ANKUB1: variants seen among roughly 807,000 people sequenced by gnomAD.
ANKUB1 encodes the protein protein ANKUB1.
A neutral mutation model predicts 49.3 loss-of-function variants in ANKUB1; 42 were observed. That is an observed-to-expected ratio of 0.85 (90% CI 0.67 to 1.10). The LOEUF is 1.10. Ranked by LOEUF, ANKUB1 falls within the 50% of genes least tolerant of loss-of-function variation. The pLI, the probability that ANKUB1 is intolerant of heterozygous loss-of-function variation, is 0.00. For synonymous variants in ANKUB1, 222 were observed against 231.0 expected (o/e 0.96, Z 0.35); for missense variants, 613 against 642.0 (o/e 0.95, Z 0.49).
intron 2 of ANKUB1, among the ~76,000 whole-genome samples, chr3:149,782,297 G>A (rs1717907020): frequency 1.3e-5 from 2 of 151,864 alleles, no homozygotes; most frequent in South Asian, 4.2e-4. Flanking sequence ...GGCTCACTAT[G>A]TTGCCCAGGC....
Position 149,789,764 on chromosome 3 carries a change from G to A in ANKUB1, c.234+1017C>T, listed in dbSNP as rs185047081. ...CCTGCCTCAGCCTAATGAGTAGCTG[G>A]GACTACAGGCTCATGCCATCACGCG... is the stretch of plus-strand genomic sequence containing the variant. On this transcript the variant is annotated intron_variant, in intron 2 of 5. Transcript: ENST00000446160. Among the ~76,000 whole-genome samples the A allele has an allele frequency of 1.8e-3, 275 of 151,894 alleles. 1 individual carries two copies. Among genetic ancestry groups the A allele is most frequent in the Non-Finnish European group, 3.4e-3 (231 of 67,948 alleles).
intron 5 of ANKUB1, among the ~76,000 whole-genome samples, chr3:149,763,616 A>T (rs537715986): frequency 6.6e-6 from 1 of 152,312 alleles, no homozygotes; most frequent in Admixed American, 6.5e-5. Flanking sequence ...TTACATTTGA[A>T]TCTTTACTTA....
At chr3:149,791,528 A>G (rs1219810463) in intron 1 of ANKUB1, among the ~76,000 whole-genome samples, 1 of 152,220 alleles carries the variant, frequency 6.6e-6, no homozygotes, top group East Asian at 1.9e-4. Context: ...TTAATAAAAC[A>G]TAGAGGTTAA....
intron 4 of ANKUB1, among the ~76,000 whole-genome samples, chr3:149,769,839 TA>T (rs1268490084): frequency 6.6e-6 from 1 of 152,190 alleles, no homozygotes; most frequent in African/African-American, 2.4e-5. Context: ...TGATAGTCTT[TA>T]AAAATGTTGC....
At chr3:149,773,913 G>A (rs2108269479) in intron 3 of ANKUB1, among the ~76,000 whole-genome samples, 1 of 152,232 alleles carries the variant, frequency 6.6e-6, no homozygotes, top group Admixed American at 6.5e-5. Context: ...GCTCACACCT[G>A]TATTCCCAGC....
chr3:149,790,383 G>T (rs73870415), intron 2 of ANKUB1, among the ~76,000 whole-genome samples: 2 of 152,186 alleles, frequency 1.3e-5, no homozygotes, highest in African/African-American at 2.4e-5. Flanking sequence ...CATTCTTATT[G>T]TTACTGAGAA....
At position 149,767,676 on chromosome 3, in the gene ANKUB1, T is replaced by C; in HGVS notation, c.986A>G (p.His329Arg). 1 of 1,551,736 alleles carries C rather than the reference T, an allele frequency of 6.4e-7. No individual in the cohort carries two copies. The highest frequency in any genetic ancestry group is 1.4e-5 in the African/African-American group (1 of 73,190). Residue 329 changes from histidine (H) to arginine (R), a missense_variant, in exon 5 of 6, where the codon CAT (histidine) becomes CGT (arginine). Coordinates refer to ENST00000446160, the MANE Select transcript of ANKUB1 (RefSeq NM_001144960.3). Reference protein sequence around the residue: ...WILRAQSHSLHKSQFCGARVF... With the variant: ...WILRAQSHSLRKSQFCGARVF... ...CCTTGCTCCACAAAACTGGCTTTTA[T>C]GAAGACTGTGACTCTGAGCTCTGAG...
intron 2 of ANKUB1, among the ~76,000 whole-genome samples, chr3:149,790,528 C>T (rs970376348): frequency 6.6e-6 from 1 of 152,080 alleles, no homozygotes; most frequent in African/African-American, 2.4e-5. Flanking sequence ...GATGACAGGA[C>T]TGGGCAGGCA....
At chr3:149,777,065 A>G (rs1717626444) in intron 3 of ANKUB1, among the ~76,000 whole-genome samples, 1 of 152,062 alleles carries the variant, frequency 6.6e-6, no homozygotes, top group Admixed American at 6.5e-5. Context: ...TAATGGACCT[A>G]ATTAATACTG....
At position 149,769,101 on chromosome 3, in the gene ANKUB1, G is replaced by A. The variant is rs575079281; in HGVS notation, c.567-1006C>T. Among the ~76,000 whole-genome samples, 15 of 152,280 alleles carry A rather than the reference G, an allele frequency of 9.9e-5. No individual in the cohort carries two copies. In the South Asian group the frequency reaches 1.5e-3, roughly 15 times the overall value. ...AAATATTAGAATATTTTATAAAATT[G>A]TAAAATCTGCTCTTCTAATCCATCA... On this transcript the variant is annotated intron_variant, in intron 4 of 5. Transcript: ENST00000446160.
intron 2 of ANKUB1, among the ~76,000 whole-genome samples, chr3:149,782,715 T>A (rs1222369582): frequency 6.6e-6 from 1 of 151,918 alleles, no homozygotes; most frequent in African/African-American, 2.4e-5. Context: ...TTTTAAATTC[T>A]TATTTGTAGA....
At chr3:149,765,687 TAAAAC>T (rs1456430969) in intron 5 of ANKUB1, among the ~76,000 whole-genome samples, 1 of 152,374 alleles carries the variant, frequency 6.6e-6, no homozygotes, top group South Asian at 2.1e-4. Flanking sequence ...TATCTGTTGA[TAAAAC>T]AAATCAATAT....
rs558086626 is a variant in ANKUB1, at chr3:149,773,979, C to A, written c.452-3305G>T. On this transcript the variant is annotated intron_variant, in intron 3 of 5. Coordinates refer to ENST00000446160, the MANE Select transcript of ANKUB1 (RefSeq NM_001144960.3). ...GAGTTTACCAGCCTGAGCAACACAG[C>A]GAGACCCCATCTCTACAAAAACTGA... Among the ~76,000 whole-genome samples, 10 of 152,168 alleles carry A rather than the reference C, an allele frequency of 6.6e-5. 1 individual carries two copies. The South Asian group carries it at 1.9e-3, about 28-fold the overall frequency.
intron 5 of ANKUB1, chr3:149,763,825 C>G (rs1716875681): frequency 2.3e-6 from 1 of 440,090 alleles, no homozygotes; most frequent in Non-Finnish European, 4.6e-6. Context: ...AACCCAAACC[C>G]ACATTAGCGC....
chr3:149,787,117 C>T (rs532496110), intron 2 of ANKUB1, among the ~76,000 whole-genome samples: 5 of 152,052 alleles, frequency 3.3e-5, no homozygotes, highest in African/African-American at 4.8e-5. Flanking sequence ...AAGAAAGTCA[C>T]TGGTAGCTTG....
intron 3 of ANKUB1, chr3:149,778,443 T>C (rs1717701769): frequency 6.6e-6 from 1 of 152,228 alleles, no homozygotes; most frequent in Non-Finnish European, 1.5e-5. Flanking sequence ...CAATTCAAAT[T>C]ATCTTCCAGC....
rs367702633 is a variant in ANKUB1, at chr3:149,765,532, C to CCA, written c.1505+1623_1505+1624dup. 1.0e-3 allele frequency among the ~76,000 whole-genome samples: 154 copies of CCA among 150,188 alleles called. 1 individual carries two copies. The highest frequency in any genetic ancestry group is 6.8e-3 in the Middle Eastern group (2 of 294). On this transcript the variant is annotated intron_variant, in intron 5 of 5. Transcript: ENST00000446160. ...CACTGTCAGCTTTTCTTATCTAAAACCACACACACACACATGCACACACAC... is the reference window on the plus strand; with the variant it reads ...CACTGTCAGCTTTTCTTATCTAAAACCACACACACACACACATGCACACACAC...
chr3:149,764,279 T>G (rs372393193), intron 5 of ANKUB1, among the ~76,000 whole-genome samples: 1 of 152,118 alleles, frequency 6.6e-6, no homozygotes, highest in Non-Finnish European at 1.5e-5. Context: ...TTGAACTCGA[T>G]CAAGAAGACT....
At chr3:149,774,464 T>C (rs571630556) in intron 3 of ANKUB1, among the ~76,000 whole-genome samples, 94 of 152,330 alleles carry the variant, frequency 6.2e-4, no homozygotes, top group Admixed American at 1.4e-3. Context: ...CCCTGCTGGA[T>C]GTCTATAGAT....
Sources: allele counts gnomAD v4.1 joint callset (sites outside exome capture counted in the v4.1 genomes callset), GRCh38; gene constraint gnomAD v4.1.1; transcripts MANE v1.5; gene names NCBI Gene and HGNC (gene_info 2026-07-23, HGNC 2026-07-21).